Variants in PDE2A observed in about 807,000 individuals in gnomAD.
PDE2A encodes the protein phosphodiesterase 2A, also known as cGMP-dependent 3',5'-cyclic phosphodiesterase.
A neutral mutation model predicts 133.6 loss-of-function variants in PDE2A; 53 were observed. The ratio of observed to expected loss-of-function variants is 0.40; its 90% CI spans 0.32 to 0.50. The LOEUF is 0.50. PDE2A is among the 20% of genes least tolerant of loss of function. PDE2A has a pLI of 0.73. For missense variants in PDE2A, 796 were observed against 1,232.4 expected (o/e 0.65, Z 5.30); for synonymous variants, 491 against 490.2 (o/e 1.00, Z -0.02).
At chr11:72,650,703 GAGGC>G (rs1763630921) in intron 1 of PDE2A, among the ~76,000 whole-genome samples, 1 of 152,090 alleles carries the variant, frequency 6.6e-6, no homozygotes, top group African/African-American at 2.4e-5. Flanking sequence ...GGGGACGAAG[GAGGC>G]AGGCTGGTCC....
At chr11:72,633,497 G>T (rs341052) in intron 2 of PDE2A, among the ~76,000 whole-genome samples, 1 of 152,008 alleles carries the variant, frequency 6.6e-6, no homozygotes, top group Non-Finnish European at 1.5e-5. Context: ...GGTCCTAAGG[G>T]GCTTCCTGGA....
intron 4 of PDE2A, chr11:72,598,471 AC>A (rs1218280589): frequency 3.0e-5 from 38 of 1,277,798 alleles, no homozygotes; most frequent in Non-Finnish European, 3.9e-5. Context: ...CACCTCCTCT[AC>A]CCCCCAGCCT....
chr11:72,636,418 C>T lies in PDE2A; in HGVS notation c.144+5836G>A, dbSNP rs143175173. 4.9e-3 allele frequency among the ~76,000 whole-genome samples: 748 copies of T among 152,336 alleles called. 6 individuals carry two copies. Among genetic ancestry groups the T allele is most frequent in the Non-Finnish European group, 6.5e-3 (442 of 68,016 alleles). On this transcript the variant is annotated intron_variant, in intron 2 of 30. Transcript: ENST00000334456. Reference sequence around the variant, plus strand: ...ATTGTTTTGATTATTGAATTCTGAACACCCTTTGCCCAGGGCAGATCTCAA... The same window carrying T: ...ATTGTTTTGATTATTGAATTCTGAATACCCTTTGCCCAGGGCAGATCTCAA...
intron 2 of PDE2A, among the ~76,000 whole-genome samples, chr11:72,625,649 T>A (rs401999): frequency 6.6e-6 from 1 of 151,710 alleles, no homozygotes; most frequent in Non-Finnish European, 1.5e-5. Context: ...ATGAGAGAGG[T>A]GGAGGGCATT....
chr11:72,595,526 C>G (rs1029343417), intron 6 of PDE2A, among the ~76,000 whole-genome samples: 1 of 152,050 alleles, frequency 6.6e-6, no homozygotes, highest in South Asian at 2.1e-4. Context: ...CCCCTCCCCC[C>G]TCTCCTCCCC....
rs1205342826 is a variant in PDE2A at position 72,668,441 on chromosome 11, G to A, written c.71+5696C>T. 1.7e-5 allele frequency: 12 copies of A among 715,894 alleles called. 1 individual carries two copies. Among genetic ancestry groups the A allele is most frequent in the Admixed American group, 1.0e-4 (5 of 49,986 alleles). The allele number at this position is 715,894 out of a possible 1,614,324, so 44.3% of individuals were successfully genotyped here. On this transcript the variant is annotated intron_variant, in intron 1 of 30. Coordinates refer to ENST00000334456, the MANE Select transcript of PDE2A (RefSeq NM_002599.5). ...GCTGTAAACTTCTGTGTGAACATGT[G>A]AGAAGTCGTAATTATGGCTTAATAC...
intron 2 of PDE2A, among the ~76,000 whole-genome samples, chr11:72,639,201 G>A (rs989225341): frequency 1.3e-5 from 2 of 152,130 alleles, no homozygotes; most frequent in African/African-American, 4.8e-5. Flanking sequence ...CAGTCTAGAG[G>A]GTCCCCAAAG....
Position 72,674,134 on chromosome 11 carries a change from C to T in PDE2A, c.71+3G>A. On this transcript the variant is annotated splice_donor_region_variant and intron_variant, in intron 1 of 30. Transcript: ENST00000334456. ...CACCACCCCAGCCCCTCACTATACT[C>T]ACGGCTCAGCCGGTCGCGCTGCCGG... The T allele has an allele frequency of 1.2e-6, 2 of 1,613,092 alleles. No homozygotes were observed. Among genetic ancestry groups the T allele is most frequent in the Non-Finnish European group, 1.7e-6 (2 of 1,179,662 alleles).
chr11:72,638,087 G>A (rs1263000110), intron 2 of PDE2A, among the ~76,000 whole-genome samples: 1 of 152,136 alleles, frequency 6.6e-6, no homozygotes, highest in Non-Finnish European at 1.5e-5. Context: ...CCCGCCGCAG[G>A]CAGCACAGAG....
chr11:72,597,569 G>A lies in PDE2A; in HGVS notation c.374C>T (p.Ser125Leu), dbSNP rs1856544991. ...KRLGCNGLGF[S>L]DLPGKPLARL... Reference sequence around the variant, plus strand: ...GGCCAAGGGCTTCCCTGGCAGGTCTGAGAAGCCCAGCCCATTGCAGCCCAG... The same window carrying A: ...GGCCAAGGGCTTCCCTGGCAGGTCTAAGAAGCCCAGCCCATTGCAGCCCAG... Residue 125 changes from serine (S) to leucine (L), a missense_variant, in exon 5 of 31, where the codon TCA becomes TTA. By Grantham distance (145) the Ser-to-Leu change is moderately radical. This residue lies in a region of PDE2A where 417 missense variants were observed against 475.3 expected (regional missense o/e 0.88). Transcript: ENST00000334456. This position sits in a 1 kb window ranked among gnomAD's most constrained non-coding sequence, Gnocchi z 4.6. The A allele has an allele frequency of 6.2e-7, 1 of 1,612,552 alleles. No homozygotes were observed. Among genetic ancestry groups the A allele is most frequent in the Non-Finnish European group, 8.5e-7 (1 of 1,179,842 alleles).
rs908106846 is a variant in PDE2A, at chr11:72,597,041, G to A, written c.434-393C>T. Among the ~76,000 whole-genome samples, 5 of 152,174 alleles carry A rather than the reference G, an allele frequency of 3.3e-5. No individual in the cohort carries two copies. Among genetic ancestry groups the A allele is most frequent in the African/African-American group, 1.2e-4 (5 of 41,436 alleles). ...CTTGTGCACTTTCCACATCGAGACA[G>A]AGGACAGAGACCTAGAGAGACTGAG... On this transcript the variant is annotated intron_variant, in intron 5 of 30. Coordinates refer to ENST00000334456, the MANE Select transcript of PDE2A (RefSeq NM_002599.5). This position sits in a 1 kb window ranked among gnomAD's most constrained non-coding sequence, Gnocchi z 4.6.
At chr11:72,629,712 C>T (rs1490364215) in intron 2 of PDE2A, among the ~76,000 whole-genome samples, 2 of 152,204 alleles carry the variant, frequency 1.3e-5, no homozygotes, top group Admixed American at 6.5e-5. Flanking sequence ...TCCCATCTTA[C>T]TCAGGGGCCG....
intron 2 of PDE2A, among the ~76,000 whole-genome samples, chr11:72,609,512 GAGA>G (rs900166524): frequency 6.6e-6 from 1 of 152,156 alleles, no homozygotes; most frequent in African/African-American, 2.4e-5. Context: ...ACTATAGGAG[GAGA>G]AGGAGACGTC....
intron 1 of PDE2A, among the ~76,000 whole-genome samples, chr11:72,673,379 C>G (rs1855425891): frequency 6.7e-6 from 1 of 148,732 alleles, no homozygotes; most frequent in Non-Finnish European, 1.5e-5. Context: ...CCCAACATGT[C>G]CCTTACATTC....
At chr11:72,608,819 G>C in intron 2 of PDE2A, 68 bp from the exon 3 acceptor site, 1 of 838,880 alleles carries the variant, frequency 1.2e-6, no homozygotes, top group Non-Finnish European at 2.0e-6. Flanking sequence ...CTGCCCAAAG[G>C]ACTGTGAGCA....
At chr11:72,636,224 G>C in intron 2 of PDE2A, 1 of 823,392 alleles carries the variant, frequency 1.2e-6, no homozygotes, top group South Asian at 5.0e-5. Flanking sequence ...ATCAGAGGCA[G>C]CAGCTTCAAG....
chr11:72,598,295 T>A (rs1241733756), intron 4 of PDE2A, among the ~76,000 whole-genome samples: 1 of 152,150 alleles, frequency 6.6e-6, no homozygotes, highest in East Asian at 1.9e-4. Flanking sequence ...CAGGGCTAGG[T>A]CTAACCACTA....
chr11:72,612,228 T>C (rs559305202), intron 2 of PDE2A, among the ~76,000 whole-genome samples: 3 of 151,700 alleles, frequency 2.0e-5, no homozygotes, highest in Admixed American at 6.6e-5. Flanking sequence ...AAGGCAATCA[T>C]ATATTCAATG....
At chr11:72,615,304 T>G (rs1032437746) in intron 2 of PDE2A, among the ~76,000 whole-genome samples, 5 of 152,196 alleles carry the variant, frequency 3.3e-5, no homozygotes, top group African/African-American at 4.8e-5. Flanking sequence ...ACCTCCCGGT[T>G]GTCCCCCGCA....
Sources: allele counts gnomAD v4.1 joint callset (sites outside exome capture counted in the v4.1 genomes callset), GRCh38; gene constraint gnomAD v4.1.1; regional missense constraint gnomAD v4.1.1; non-coding constraint Gnocchi (gnomAD v3.1); transcripts MANE v1.5; gene names NCBI Gene and HGNC (gene_info 2026-07-23, HGNC 2026-07-21).